The following CLK3 variants were observed in gnomAD, a reference collection of about 807,000 sequenced individuals.
The protein encoded by CLK3 is CDC like kinase 3.
A neutral mutation model predicts 65.2 loss-of-function variants in CLK3; 24 were observed. The observed-to-expected ratio is 0.37, with a 90% CI of 0.27 to 0.52. The LOEUF (loss-of-function observed/expected upper bound fraction) is 0.52. Ranked by LOEUF, CLK3 falls within the 20% of genes least tolerant of loss-of-function variation. The pLI is 0.92. For missense variants in CLK3, 506 were observed against 660.0 expected (o/e 0.77, Z 2.56); for synonymous variants, 252 against 240.8 (o/e 1.05, Z -0.43).
At chr15:74,615,966 G>A (rs1445177355) in intron 1 of CLK3, 68 bp downstream of exon 1, 2 of 1,144,514 alleles carry the variant, frequency 1.7e-6, no homozygotes, top group Non-Finnish European at 1.1e-6. Flanking sequence ...CGGCGGGGCA[G>A]GCGCGCTGGT....
Position 74,622,842 on chromosome 15 carries a change from G to T in CLK3, c.533+282G>T, listed in dbSNP as rs1309639616. On this transcript the variant is annotated intron_variant, in intron 5 of 12. Coordinates refer to ENST00000395066, the MANE Select transcript of CLK3 (RefSeq NM_001130028.2). The surrounding 1 kb of genome is among the most constrained non-coding windows in gnomAD (Gnocchi z 4.6). Reference sequence around the variant, plus strand: ...TCACTTCTCCAGGGCTGTGGTGGTGGATATCAGAACAGGGCCAAGGCCCCG... The same window carrying T: ...TCACTTCTCCAGGGCTGTGGTGGTGTATATCAGAACAGGGCCAAGGCCCCG... Among the ~76,000 whole-genome samples, 1 of 152,180 alleles carries T rather than the reference G, an allele frequency of 6.6e-6. No individual in the cohort carries two copies. Among genetic ancestry groups the T allele is most frequent in the Non-Finnish European group, 1.5e-5 (1 of 68,036 alleles).
chr15:74,623,243 C>T (rs1056812955), intron 5 of CLK3, among the ~76,000 whole-genome samples: 1 of 152,240 alleles, frequency 6.6e-6, no homozygotes, highest in African/African-American at 2.4e-5. Flanking sequence ...GGGGAGGCCA[C>T]CTCCAGGGAG....
At chr15:74,610,645 C>T (rs2061977704) in intron 1 of CLK3, among the ~76,000 whole-genome samples, 1 of 152,256 alleles carries the variant, frequency 6.6e-6, no homozygotes. Context: ...CGACAGGCTC[C>T]AGCTGTGCAT....
chr15:74,630,002 G>C lies in CLK3; in HGVS notation c.*119G>C, dbSNP rs1009595553. On this transcript the variant is annotated 3_prime_UTR_variant, in exon 13 of 13. Transcript: ENST00000395066. ...CACCCAATGAACAGTGCAATGTGAA[G>C]GAAGGCAGGAGCCTGCAGGGGAGCA... 6.1e-6 allele frequency: 6 copies of C among 991,460 alleles called. No individual in the cohort carries two copies. The South Asian group carries it at 8.5e-5, about 14-fold the overall frequency. The allele number at this position is 991,460 out of a possible 1,614,324, so 61.4% of individuals were successfully genotyped here. A position where few individuals can be genotyped will look rare whatever the true frequency, so the allele number is the denominator to read the frequency against.
intron 2 of CLK3, 116 bp from the exon 3 acceptor site, chr15:74,619,893 G>A: frequency 1.3e-6 from 2 of 1,514,296 alleles, no homozygotes; most frequent in African/African-American, 1.4e-5. Context: ...CACCAGTGTG[G>A]ATGCTTTTAG....
At position 74,622,273 on chromosome 15, in the gene CLK3, G is replaced by A; in HGVS notation, c.466+57G>A. Reference sequence around the variant, plus strand: ...CTACTTTCTACCCCCCTTGTTAGACGAGACCTCTCCTGCCTGGAGGGGCCT... The same window carrying A: ...CTACTTTCTACCCCCCTTGTTAGACAAGACCTCTCCTGCCTGGAGGGGCCT... On this transcript the variant is annotated intron_variant, in intron 4 of 12. Transcript: ENST00000395066. The surrounding 1 kb of genome is among the most constrained non-coding windows in gnomAD (Gnocchi z 4.6). 2.0e-6 allele frequency: 3 copies of A among 1,531,816 alleles called. No individual in the cohort carries two copies. Among genetic ancestry groups the A allele is most frequent in the South Asian group, 1.2e-5 (1 of 85,242 alleles). 94.9% of individuals were successfully genotyped at this position (1,531,816 alleles called of 1,614,324 possible).
At chr15:74,614,760 C>G (rs1448062208), upstream of CLK3, 1 of 152,144 alleles carries the variant, frequency 6.6e-6, no homozygotes, top group Admixed American at 6.5e-5. Flanking sequence ...TGGCGGCCGC[C>G]GGGGCGGTGC....
chr15:74,619,989 C>A lies in CLK3; in HGVS notation c.153-20C>A. The A allele has an allele frequency of 6.2e-7, 1 of 1,613,854 alleles. No individual in the cohort carries two copies. The highest frequency in any genetic ancestry group is 8.5e-7 in the Non-Finnish European group (1 of 1,179,896). ...CAGCAAGGACCCAGCTGACCAGCGT[C>A]CCCATCCCCCTTTTGGCAGCCATGA... On this transcript the variant is annotated intron_variant, in intron 2 of 12. Transcript: ENST00000395066.
intron 6 of CLK3, among the ~76,000 whole-genome samples, chr15:74,625,561 C>T (rs1013465644): frequency 2.0e-5 from 3 of 152,174 alleles, no homozygotes; most frequent in African/African-American, 7.2e-5. Context: ...GGACCAGAAC[C>T]GTGGACATCT....
intron 12 of CLK3, chr15:74,629,324 ATT>A: frequency 1.8e-6 from 1 of 544,786 alleles, no homozygotes. Context: ...TCTCCTCGAA[ATT>A]TTGGGAAGAA....
In CLK3 at chr15:74,615,918, C is replaced by CGCGGCGGCGACAGCG. The variant is rs2062054067; in HGVS notation, c.-1+30_-1+44dup. On this transcript the variant is annotated intron_variant, in intron 1 of 12. Coordinates refer to ENST00000395066, the MANE Select transcript of CLK3 (RefSeq NM_001130028.2). ...GAGACGGTAAGTGTGGGCTGGGGTC[C>CGCGGCGGCGACAGCG]GCGGCGGCGACAGCGGCGGCGGCGG... The CGCGGCGGCGACAGCG allele has an allele frequency of 1.6e-6, 2 of 1,243,060 alleles. No individual in the cohort carries two copies. Among genetic ancestry groups the CGCGGCGGCGACAGCG allele is most frequent in the Admixed American group, 4.2e-5 (1 of 24,014 alleles). 77.0% of individuals were successfully genotyped at this position (1,243,060 alleles called of 1,614,324 possible).
upstream of CLK3, among the ~76,000 whole-genome samples, chr15:74,611,068 T>C (rs2061983408): frequency 6.6e-6 from 1 of 152,056 alleles, no homozygotes; most frequent in Non-Finnish European, 1.5e-5. Context: ...TCCCTCAGAT[T>C]CTCCCTGGGG....
intron 10 of CLK3, 29 bp downstream of exon 10, chr15:74,628,081 C>G: frequency 2.0e-6 from 3 of 1,465,278 alleles, no homozygotes; most frequent in Non-Finnish European, 2.9e-6. Flanking sequence ...GGTCCCCTAC[C>G]CTGAGTACTG....
rs150664892 is a variant in CLK3 at position 74,619,238 on chromosome 15, G to C, written c.42G>C (p.Pro14=). The change falls in exon 2 of 13, where the codon CCG becomes CCC. Residue 14 remains proline, a synonymous_variant. Transcript: ENST00000395066. ...GATACCGCTCCCCTGAACCAGACCC[G>C]TACCTGAGCTACCGATGGAAGAGGA... The part of the protein sequence containing the change: ...CKRYRSPEPD[P]YLSYRWKRRR... 6.2e-7 allele frequency: 1 copy of C among 1,614,154 alleles called. No individual in the cohort carries two copies. The highest frequency in any genetic ancestry group is 2.2e-5 in the East Asian group (1 of 44,886).
rs773020998 is a variant in CLK3 at position 74,620,197 on chromosome 15, G to T, written c.341G>T (p.Arg114Leu). 1 of 1,614,084 alleles carries T rather than the reference G, an allele frequency of 6.2e-7. No individual in the cohort carries two copies. Among genetic ancestry groups the T allele is most frequent in the Non-Finnish European group, 8.5e-7 (1 of 1,180,044 alleles). The change falls in exon 3 of 13, where the codon CGC (arginine) becomes CTC (leucine). Residue 114 changes from arginine to leucine, a missense_variant. This residue lies in a region of CLK3 where 325 missense variants were observed against 500.5 expected (regional missense o/e 0.65). Coordinates refer to ENST00000395066, the MANE Select transcript of CLK3 (RefSeq NM_001130028.2). Reference protein sequence around the residue: ...RKHAHHCHKRRTRSCSSASSR... With the variant: ...RKHAHHCHKRLTRSCSSASSR... ...CATGCCCACCACTGCCACAAACGCC[G>T]CACCAGGTCTTGTAGCAGCGCCTCC...
At chr15:74,615,605 A>C (rs139096840), upstream of CLK3, 4 of 1,253,982 alleles carry the variant, frequency 3.2e-6, no homozygotes, top group Non-Finnish European at 4.0e-6. Context: ...AGGTCGGGGG[A>C]CCTACGTGCG....
upstream of CLK3, among the ~76,000 whole-genome samples, chr15:74,612,283 TAAGTC>T (rs1452441805): frequency 3.3e-5 from 5 of 152,290 alleles, no homozygotes; most frequent in East Asian, 3.9e-4. Context: ...TCAGAGCCCT[TAAGTC>T]AAGTCACTGC....
rs56298217 is a variant in CLK3, at chr15:74,622,308, G to T, written c.466+92G>T. 3 of 1,279,762 alleles carry T rather than the reference G, an allele frequency of 2.3e-6. No homozygotes were observed. The highest frequency in any genetic ancestry group is 3.3e-6 in the Non-Finnish European group (3 of 901,580). The allele number at this position is 1,279,762 out of a possible 1,614,324, so 79.3% of individuals were successfully genotyped here. On this transcript the variant is annotated intron_variant, in intron 4 of 12. Coordinates refer to ENST00000395066, the MANE Select transcript of CLK3 (RefSeq NM_001130028.2). The surrounding 1 kb of genome is among the most constrained non-coding windows in gnomAD (Gnocchi z 4.6). Reference sequence around the variant, plus strand: ...CTGCCTGGAGGGGCCTCTAGTGCGCGTGGTGCCTTAGCGGGGCCACCAGTA... The same window carrying T: ...CTGCCTGGAGGGGCCTCTAGTGCGCTTGGTGCCTTAGCGGGGCCACCAGTA...
intron 6 of CLK3, 102 bp from the exon 7 acceptor site, chr15:74,625,700 C>G (rs2062138791): frequency 8.1e-7 from 1 of 1,227,610 alleles, no homozygotes; most frequent in East Asian, 2.3e-5. Context: ...TGGTGTGTGA[C>G]CCGGTGGCCT....
Sources: gnomAD v4.1 joint callset for allele counts (sites outside exome capture counted in the v4.1 genomes callset) on GRCh38, gnomAD v4.1.1 for gene constraint, gnomAD v4.1.1 regional missense constraint, Gnocchi (gnomAD v3.1) non-coding constraint, MANE v1.5 for transcripts, NCBI Gene and HGNC (gene_info 2026-07-23, HGNC 2026-07-21) for gene names.